MKS1: variants seen among roughly 807,000 people sequenced by gnomAD.
MKS1 encodes MKS transition zone complex subunit 1.
In MKS1, 70 loss-of-function variants were observed where a neutral mutation model predicts 83.7. The ratio of observed to expected loss-of-function variants is 0.84; its 90% CI spans 0.69 to 1.02. MKS1 has a LOEUF of 1.02. MKS1 is among the 50% of genes least tolerant of loss of function. MKS1 has a pLI of 0.00. For synonymous variants in MKS1, 251 were observed against 273.4 expected (o/e 0.92, Z 0.81); for missense variants, 681 against 726.9 (o/e 0.94, Z 0.73).
chr17:58,212,302 G>T, intron 9 of MKS1, 76 bp downstream of exon 9: 1 of 1,525,928 alleles, frequency 6.6e-7, no homozygotes. Context: ...TTTAAGAGAG[G>T]TAGTGTAACT....
chr17:58,210,055 A>G (rs1338723668), intron 11 of MKS1, among the ~76,000 whole-genome samples: 1 of 152,206 alleles, frequency 6.6e-6, no homozygotes, highest in African/African-American at 2.4e-5. Context: ...TTTGGCATCA[A>G]CAACTCAGTA....
rs552787799 is a variant in MKS1, at chr17:58,209,140, G to T, written c.1025-557C>A. The stretch of plus-strand genomic sequence containing the variant: ...TCCCCCTTTTCTTTTTGACAAAACC[G>T]CCATCGTCATCATGGCCCATTCTCA... On this transcript the variant is annotated intron_variant, in intron 11 of 17. Transcript: ENST00000393119. This position sits in a 1 kb window ranked among gnomAD's most constrained non-coding sequence, Gnocchi z 4.1. 6.6e-6 allele frequency among the ~76,000 whole-genome samples: 1 copy of T among 151,950 alleles called. No individual in the cohort carries two copies. Among genetic ancestry groups the T allele is most frequent in the Admixed American group, 6.5e-5 (1 of 15,276 alleles).
chr17:58,207,247 A>G (rs370995006), intron 14 of MKS1, 29 bp from the exon 15 acceptor site: 6 of 1,612,928 alleles, frequency 3.7e-6, no homozygotes, highest in Non-Finnish European at 5.1e-6. Flanking sequence ...GACTGGGGCC[A>G]GGTCCAGAAA....
chr17:58,217,070 AC>A (rs1969263229), intron 2 of MKS1, among the ~76,000 whole-genome samples: 1 of 152,056 alleles, frequency 6.6e-6, no homozygotes, highest in Admixed American at 6.5e-5. Flanking sequence ...GCTCACTGCA[AC>A]CTCCTCTTCC....
Position 58,206,130 on chromosome 17 carries a change from C to T in MKS1, c.1629G>A (p.Arg543=), listed in dbSNP as rs781530535. The T allele has an allele frequency of 2.5e-6, 4 of 1,613,638 alleles. No individual in the cohort carries two copies. The highest frequency in any genetic ancestry group is 1.7e-5 in the Admixed American group (1 of 59,996). ...RRARRRMQEA[R]ESLPQDLVSP... ...TCACTAGGTCCTGCGGGAGGCTTTC[C>T]CGGGCCTCCTGCATGCGGCGCCGGG... The change falls in exon 18 of 18, where the codon CGG becomes CGA. Residue 543 remains arginine, a synonymous_variant. Transcript: ENST00000393119.
intron 2 of MKS1, 121 bp from the exon 3 acceptor site, chr17:58,216,857 G>T: frequency 1.0e-6 from 1 of 981,134 alleles, no homozygotes; most frequent in Non-Finnish European, 1.6e-6. Flanking sequence ...CTGGAATTCA[G>T]CAATTTAGTA....
chr17:58,210,583 G>T, intron 11 of MKS1, 76 bp downstream of exon 11: 1 of 1,355,186 alleles, frequency 7.4e-7, no homozygotes, highest in Non-Finnish European at 1.1e-6. Flanking sequence ...CAGAGGAGTG[G>T]GAAAGGAAGC....
intron 4 of MKS1, 140 bp downstream of exon 4, chr17:58,215,948 G>T: frequency 9.8e-7 from 1 of 1,024,980 alleles, no homozygotes; most frequent in Non-Finnish European, 1.5e-6. Flanking sequence ...CTGGCTGCCA[G>T]CAGCAGCAGC....
In MKS1 at chr17:58,206,596, C is replaced by G. The variant is rs200222851; in HGVS notation, c.1408-49G>C. 1,009 of 1,542,004 alleles carry G rather than the reference C, an allele frequency of 6.5e-4. 3 individuals are homozygous for G. The African/African-American group carries it at 0.012, about 19-fold the overall frequency. ...CTCAGGTTTCTGCTCTCTCTAGACA[C>G]CCCCGCACCATGCTGGCCTCACCCC... On this transcript the variant is annotated intron_variant, in intron 15 of 17. Transcript: ENST00000393119.
chr17:58,213,019 G>A lies in MKS1; in HGVS notation c.821C>T (p.Pro274Leu), dbSNP rs770088105. The change falls in exon 8 of 18, where the codon CCG (proline) becomes CTG (leucine). Residue 274 changes from proline (P) to leucine (L), a missense_variant. By Grantham distance (98) the Pro-to-Leu change is moderately conservative. This residue lies in a region of MKS1 where 365 missense variants were observed against 383.8 expected (regional missense o/e 0.95). Transcript: ENST00000393119. ...TCGCCGTTCCCGCTCCTCCTCCTCCGGCTGTGCGTGGGGGGAAACATTGTC... is the reference window on the plus strand; with the variant it reads ...TCGCCGTTCCCGCTCCTCCTCCTCCAGCTGTGCGTGGGGGGAAACATTGTC... ...TIDNVSPHAQ[P>L]EEEERERRVF... is the part of the protein sequence containing the mutation. 2.6e-5 allele frequency: 42 copies of A among 1,613,942 alleles called. No individual in the cohort carries two copies. Among genetic ancestry groups the A allele is most frequent in the South Asian group, 2.2e-5 (2 of 91,084 alleles).
At position 58,218,869 on chromosome 17, in the gene MKS1, G is replaced by A. The variant is rs965567828; in HGVS notation, c.81-140C>T. ...CAGACAACGGAGAGGAGGTGGGTGG[G>A]TGCGCCGTCCTATGGGGAAGAATGA... is the stretch of plus-strand genomic sequence containing the variant. On this transcript the variant is annotated intron_variant, in intron 1 of 17. Coordinates refer to ENST00000393119, the MANE Select transcript of MKS1 (RefSeq NM_017777.4). 3.4e-6 allele frequency: 3 copies of A among 874,298 alleles called. No individual in the cohort carries two copies. In the African/African-American group the frequency reaches 5.0e-5, roughly 15 times the overall value. The allele number at this position is 874,298 out of a possible 1,614,324, so 54.2% of individuals were successfully genotyped here.
At chr17:58,212,269 A>G in intron 9 of MKS1, 109 bp downstream of exon 9, 3 of 1,287,742 alleles carry the variant, frequency 2.3e-6, no homozygotes, top group Non-Finnish European at 3.4e-6. Flanking sequence ...TCCTTTTCAC[A>G]CTGTAGAGTA....
At position 58,208,438 on chromosome 17, in the gene MKS1, G is replaced by A. The variant is rs1968665579; in HGVS notation, c.1095+75C>T. ...TCCTCCCCAGGGCGCACAGCACTTGGCCTGATAAAACCTCAAATGCCATCC... is the reference window on the plus strand; with the variant it reads ...TCCTCCCCAGGGCGCACAGCACTTGACCTGATAAAACCTCAAATGCCATCC... On this transcript the variant is annotated intron_variant, in intron 12 of 17. Coordinates refer to ENST00000393119, the MANE Select transcript of MKS1 (RefSeq NM_017777.4). The A allele has an allele frequency of 3.9e-6, 6 of 1,541,060 alleles. No homozygotes were observed. The Admixed American group carries it at 1.0e-4, about 26-fold the overall frequency.
intron 10 of MKS1, 87 bp from the exon 11 acceptor site, chr17:58,210,811 A>G: frequency 6.8e-7 from 1 of 1,480,114 alleles, no homozygotes. Context: ...ACACACCCTG[A>G]GAGCAAGTCT....
Position 58,212,956 on chromosome 17 carries a change from G to A in MKS1, c.858+26C>T, listed in dbSNP as rs368858741. 18 of 1,602,578 alleles carry A rather than the reference G, an allele frequency of 1.1e-5. No individual in the cohort carries two copies. In the African/African-American group the frequency reaches 1.5e-4, roughly 13 times the overall value. Reference sequence around the variant, plus strand: ...TCCAGGCACTGAGGCTCATCCCTTGGATACTTGGAATGAACTTGCGCTTAC... The same window carrying A: ...TCCAGGCACTGAGGCTCATCCCTTGAATACTTGGAATGAACTTGCGCTTAC... On this transcript the variant is annotated intron_variant, in intron 8 of 17. Transcript: ENST00000393119.
Position 58,215,945 on chromosome 17 carries a change from C to CCAG in MKS1, c.417+140_417+142dup, listed in dbSNP as rs747885000. 178 of 1,030,958 alleles carry CCAG rather than the reference C, an allele frequency of 1.7e-4. No homozygotes were observed. In the Admixed American group the frequency reaches 2.8e-3, roughly 16 times the overall value. 63.9% of individuals were successfully genotyped at this position (1,030,958 alleles called of 1,614,324 possible). A position where few individuals can be genotyped will look rare whatever the true frequency, so the allele number is the denominator to read the frequency against. ...TGCCCATTCTATTCCAGGCTGGCTGCCAGCAGCAGCAGCTCACAGCAGTTC... is the reference window on the plus strand; with the variant it reads ...TGCCCATTCTATTCCAGGCTGGCTGCCAGCAGCAGCAGCAGCTCACAGCAGTTC... On this transcript the variant is annotated intron_variant, in intron 4 of 17. Transcript: ENST00000393119.
At chr17:58,215,213 G>A (rs1969121453) in intron 4 of MKS1, among the ~76,000 whole-genome samples, 2 of 152,118 alleles carry the variant, frequency 1.3e-5, no homozygotes, top group South Asian at 4.1e-4. Context: ...TGGTAACTGA[G>A]CACTAACTGC....
intron 15 of MKS1, 73 bp from the exon 16 acceptor site, chr17:58,206,620 C>G (rs1397872430): frequency 7.1e-7 from 1 of 1,415,360 alleles, no homozygotes; most frequent in African/African-American, 1.4e-5. Flanking sequence ...TGGCCTCACC[C>G]CCATTCTTAT....
At position 58,208,178 on chromosome 17, in the gene MKS1, TA is replaced by T. The variant is rs2143753890; in HGVS notation, c.1096-5del. On this transcript the variant is annotated splice_polypyrimidine_tract_variant and splice_region_variant and intron_variant, in intron 12 of 17. Coordinates refer to ENST00000393119, the MANE Select transcript of MKS1 (RefSeq NM_017777.4). ...AGGAGAAGTGAGCCACCTTGTCCTA[TA>T]AAAAGGAGTGTCATAGGGTGGGCAA... The T allele has an allele frequency of 5.0e-6, 8 of 1,609,636 alleles. No individual in the cohort carries two copies. Among genetic ancestry groups the T allele is most frequent in the African/African-American group, 1.3e-5 (1 of 74,904 alleles).
Sources: gnomAD v4.1 joint callset for allele counts (sites outside exome capture counted in the v4.1 genomes callset) on GRCh38, gnomAD v4.1.1 for gene constraint, gnomAD v4.1.1 regional missense constraint, Gnocchi (gnomAD v3.1) non-coding constraint, MANE v1.5 for transcripts, NCBI Gene and HGNC (gene_info 2026-07-23, HGNC 2026-07-21) for gene names.